Variants in CDH23 observed in about 807,000 individuals in gnomAD.
The protein encoded by CDH23 is cadherin-23.
A neutral mutation model predicts 317.1 loss-of-function variants in CDH23; 189 were observed. The ratio of observed to expected loss-of-function variants is 0.60; its 90% CI spans 0.53 to 0.67. CDH23 has a LOEUF of 0.67. Among genes scored for constraint, CDH23 ranks in the 30% least tolerant of loss-of-function variants. The pLI, the probability that CDH23 is intolerant of heterozygous loss-of-function variation, is 0.00. For synonymous variants in CDH23, 1,839 were observed against 1,876.8 expected (o/e 0.98, Z 0.52); for missense variants, 4,401 against 4,592.4 (o/e 0.96, Z 1.20).
rs66656163 is a variant in CDH23 at position 71,675,903 on chromosome 10, CT to C, written c.1514+747del. On this transcript the variant is annotated intron_variant, in intron 15 of 69. Transcript: ENST00000224721. ...ATCCAAGCCAAAGGCAGCCCTCTAA[CT>C]TTTTTTTTTTTTTTTTTTTGAAACA... is the stretch of plus-strand genomic sequence containing the variant. Among the ~76,000 whole-genome samples, 353 of 120,838 alleles carry C rather than the reference CT, an allele frequency of 2.9e-3. 1 individual carries two copies. The highest frequency in any genetic ancestry group is 1.0e-2 in the African/African-American group (321 of 32,182). 79.3% of individuals were successfully genotyped at this position (120,838 alleles called of 152,430 possible). A position where few individuals can be genotyped will look rare whatever the true frequency, so the allele number is the denominator to read the frequency against.
At chr10:71,568,926 G>A (rs1857579809) in intron 7 of CDH23, among the ~76,000 whole-genome samples, 1 of 152,222 alleles carries the variant, frequency 6.6e-6, no homozygotes, top group South Asian at 2.1e-4. Context: ...ACAGGTATGG[G>A]ACAGAGAGGG....
intron 2 of CDH23, among the ~76,000 whole-genome samples, chr10:71,440,267 G>A (rs1287657505): frequency 1.3e-5 from 2 of 152,174 alleles, no homozygotes; most frequent in Admixed American, 6.5e-5. Context: ...TGTTTGCACT[G>A]TGTGTGACCT....
At chr10:71,532,709 T>G (rs1855450729) in intron 6 of CDH23, among the ~76,000 whole-genome samples, 1 of 80,990 alleles carries the variant, frequency 1.2e-5, no homozygotes, top group Non-Finnish European at 2.4e-5. Context: ...TCTTTTGTTT[T>G]TGTTTTTTTT....
chr10:71,544,164 T>C (rs922631894), intron 6 of CDH23, among the ~76,000 whole-genome samples: 4 of 152,194 alleles, frequency 2.6e-5, no homozygotes, highest in African/African-American at 7.2e-5. Context: ...TAGAAGCTAA[T>C]TTTCCTGGTT....
rs1442453735 is a variant in CDH23 at position 71,732,041 on chromosome 10, A to G, written c.3770A>G (p.Glu1257Gly). 1 of 1,613,934 alleles carries G rather than the reference A, an allele frequency of 6.2e-7. No individual in the cohort carries two copies. Among genetic ancestry groups the G allele is most frequent in the South Asian group, 1.1e-5 (1 of 91,080 alleles). ...CTGTCGGGCGCAGAGGGGAAGTTTGAGATTGACGAGAGCACAGGGCTTATC... is the reference window on the plus strand; with the variant it reads ...CTGTCGGGCGCAGAGGGGAAGTTTGGGATTGACGAGAGCACAGGGCTTATC... Reference protein sequence around the residue: ...RILSGAEGKFEIDESTGLIIT... With the variant: ...RILSGAEGKFGIDESTGLIIT... The change falls in exon 32 of 70, where the codon GAG (glutamate) becomes GGG (glycine). Residue 1257 changes from glutamate to glycine, a missense_variant. Physicochemically the swap from Glu to Gly is moderately conservative, Grantham distance 98 (BLOSUM62 -2). Around this residue, in one of 3 missense-constraint regions of CDH23, gnomAD observed 3,068 missense variants for 3,203.3 expected, o/e 0.96. Coordinates refer to ENST00000224721, the MANE Select transcript of CDH23 (RefSeq NM_022124.6).
intron 57 of CDH23, 127 bp downstream of exon 57, chr10:71,806,408 C>A: frequency 5.9e-6 from 4 of 676,820 alleles, no homozygotes; most frequent in Non-Finnish European, 1.1e-5. Flanking sequence ...TGTCTGCATG[C>A]ACTTCATGCA....
intron 45 of CDH23, 91 bp from the exon 46 acceptor site, chr10:71,790,196 TC>T: frequency 6.6e-7 from 1 of 1,520,052 alleles, no homozygotes; most frequent in African/African-American, 1.4e-5. Flanking sequence ...CTCTCATCCA[TC>T]GTCAGCCATG....
intron 3 of CDH23, among the ~76,000 whole-genome samples, chr10:71,493,163 A>T (rs1280941078): frequency 6.6e-6 from 1 of 152,168 alleles, no homozygotes; most frequent in Non-Finnish European, 1.5e-5. Flanking sequence ...TGGCCAGGAA[A>T]GTATGTGCAT....
intron 11 of CDH23, among the ~76,000 whole-genome samples, chr10:71,642,192 C>G (rs1862583095): frequency 6.6e-6 from 1 of 152,066 alleles, no homozygotes; most frequent in Non-Finnish European, 1.5e-5. Flanking sequence ...TCCCCTTAGA[C>G]TGGGCCCTGG....
intron 6 of CDH23, among the ~76,000 whole-genome samples, chr10:71,559,004 G>A (rs1234274767): frequency 6.6e-6 from 1 of 152,122 alleles, no homozygotes; most frequent in African/African-American, 2.4e-5. Context: ...CACATTTTCT[G>A]CAAGAGTTGG....
chr10:71,407,912 C>T (rs1377247065), intron 1 of CDH23, among the ~76,000 whole-genome samples: 1 of 152,196 alleles, frequency 6.6e-6, no homozygotes, highest in African/African-American at 2.4e-5. Flanking sequence ...CCCCTTCTGA[C>T]CAATCACTTG....
chr10:71,667,686 T>A (rs1863973154), intron 14 of CDH23, among the ~76,000 whole-genome samples: 1 of 151,488 alleles, frequency 6.6e-6, no homozygotes, highest in Non-Finnish European at 1.5e-5. Context: ...GGCAAATCAA[T>A]GGAAAAGGGT....
At chr10:71,528,605 C>T (rs891359326) in intron 6 of CDH23, among the ~76,000 whole-genome samples, 31 of 152,260 alleles carry the variant, frequency 2.0e-4, no homozygotes, top group African/African-American at 6.8e-4. Context: ...TATTCTCTTC[C>T]TGCGACCAGC....
At chr10:71,442,910 C>T (rs904055960) in intron 2 of CDH23, among the ~76,000 whole-genome samples, 1 of 152,210 alleles carries the variant, frequency 6.6e-6, no homozygotes. Context: ...GACTGGAGGG[C>T]AGGGCAGGGC....
Position 71,599,507 on chromosome 10 carries a change from T to A in CDH23, c.833-15997T>A, listed in dbSNP as rs188411488. The stretch of plus-strand genomic sequence containing the variant: ...AAAGATGAACTGGGATTTCCTCTGT[T>A]AACACCGTGAAAAATTGGTAGTGTT... On this transcript the variant is annotated intron_variant, in intron 9 of 69. Transcript: ENST00000224721. Among the ~76,000 whole-genome samples the A allele has an allele frequency of 3.6e-4, 55 of 152,338 alleles. 2 individuals are homozygous for A. The highest frequency in any genetic ancestry group is 1.3e-3 in the African/African-American group (54 of 41,584).
intron 6 of CDH23, among the ~76,000 whole-genome samples, chr10:71,560,695 GC>G (rs1857086860): frequency 6.6e-6 from 1 of 151,816 alleles, no homozygotes; most frequent in Non-Finnish European, 1.5e-5. Context: ...AATCCCACTA[GC>G]CCCTCTCCTC....
chr10:71,410,440 C>T (rs1848298650), intron 1 of CDH23, among the ~76,000 whole-genome samples: 1 of 152,150 alleles, frequency 6.6e-6, no homozygotes, highest in Admixed American at 6.5e-5. Flanking sequence ...ACTGTGCTTC[C>T]CATGGCAGGA....
chr10:71,597,224 G>T (rs1480556377), intron 9 of CDH23, among the ~76,000 whole-genome samples: 1 of 152,090 alleles, frequency 6.6e-6, no homozygotes, highest in East Asian at 1.9e-4. Context: ...GGGGAGCAGA[G>T]CAGGCATCGC....
At chr10:71,620,630 A>T (rs1433535292) in intron 11 of CDH23, among the ~76,000 whole-genome samples, 1 of 152,160 alleles carries the variant, frequency 6.6e-6, no homozygotes, top group Non-Finnish European at 1.5e-5. Flanking sequence ...CCCACCAGGG[A>T]CCATTCCCTG....
Sources: gnomAD v4.1 joint callset for allele counts (sites outside exome capture counted in the v4.1 genomes callset) on GRCh38, gnomAD v4.1.1 for gene constraint, gnomAD v4.1.1 regional missense constraint, MANE v1.5 for transcripts, NCBI Gene and HGNC (gene_info 2026-07-23, HGNC 2026-07-21) for gene names.